CHST9: variants seen among roughly 807,000 people sequenced by gnomAD.
The protein encoded by CHST9 is carbohydrate sulfotransferase 9.
Under a neutral mutation model 44.4 loss-of-function variants are expected in CHST9, and 41 were observed. The observed-to-expected ratio is 0.92, with a 90% CI of 0.72 to 1.20. The LOEUF (loss-of-function observed/expected upper bound fraction) is 1.20, where lower values mean the gene tolerates loss of function less well. Ranked by LOEUF, CHST9 falls within the 50% of genes most tolerant of loss-of-function variation. The pLI is 0.00. For synonymous variants in CHST9, 171 were observed against 178.4 expected (o/e 0.96, Z 0.33); for missense variants, 504 against 516.5 (o/e 0.98, Z 0.23).
intron 2 of CHST9, among the ~76,000 whole-genome samples, chr18:27,074,829 T>TA (rs1401534532): frequency 6.8e-6 from 1 of 147,990 alleles, no homozygotes; most frequent in Non-Finnish European, 1.5e-5. Flanking sequence ...AATTATAAAA[T>TA]ATACATTATA....
At chr18:26,949,975 C>T (rs1414999786) in intron 4 of CHST9, among the ~76,000 whole-genome samples, 1 of 152,194 alleles carries the variant, frequency 6.6e-6, no homozygotes. Context: ...CAAAGGAACG[C>T]AGCCTTGCTG....
intron 1 of CHST9, among the ~76,000 whole-genome samples, chr18:27,156,581 GAGACAA>G (rs2058700091): frequency 6.6e-6 from 1 of 152,006 alleles, no homozygotes; most frequent in Non-Finnish European, 1.5e-5. Context: ...GAATGAGAAA[GAGACAA>G]AGATTTTAAA....
At chr18:26,940,492 A>G (rs2056066992) in intron 5 of CHST9, among the ~76,000 whole-genome samples, 1 of 152,208 alleles carries the variant, frequency 6.6e-6, no homozygotes, top group South Asian at 2.1e-4. Context: ...TCTCAGCAAG[A>G]TGATATTTTA....
At chr18:27,096,825 G>A (rs2058121556) in intron 2 of CHST9, among the ~76,000 whole-genome samples, 1 of 151,912 alleles carries the variant, frequency 6.6e-6, no homozygotes, top group African/African-American at 2.4e-5. Flanking sequence ...AAGCCAGATG[G>A]ATTCTCAGCC....
intron 4 of CHST9, among the ~76,000 whole-genome samples, chr18:27,019,779 G>T (rs902691965): frequency 1.3e-5 from 2 of 151,618 alleles, no homozygotes; most frequent in African/African-American, 4.8e-5. Flanking sequence ...CCACTGAATG[G>T]ATGTGAGTCT....
rs558572637 is a variant in CHST9, at chr18:27,127,296, G to A, written c.121+15393C>T. ...AAAAGGAAATAAAGTAGTCTGAAGA[G>A]CAAACTGAGAGTGCAGCCAGACAGC... On this transcript the variant is annotated intron_variant, in intron 2 of 5. Transcript: ENST00000618847. Among the ~76,000 whole-genome samples, 4 of 152,308 alleles carry A rather than the reference G, an allele frequency of 2.6e-5. No homozygotes were observed. In the East Asian group the frequency reaches 5.8e-4, roughly 22 times the overall value.
intron 1 of CHST9, among the ~76,000 whole-genome samples, chr18:27,175,185 AT>A (rs1236384123): frequency 1.3e-5 from 2 of 151,818 alleles, no homozygotes; most frequent in Non-Finnish European, 2.9e-5. Flanking sequence ...AATTTCACCT[AT>A]TTTTTTCTTA....
chr18:27,089,041 C>T (rs2058040819), intron 2 of CHST9, among the ~76,000 whole-genome samples: 1 of 152,204 alleles, frequency 6.6e-6, no homozygotes, highest in Admixed American at 6.5e-5. Context: ...GGTTAGTTTT[C>T]CATAGTTTCC....
At chr18:27,171,238 A>G (rs1230835096) in intron 1 of CHST9, among the ~76,000 whole-genome samples, 1 of 152,160 alleles carries the variant, frequency 6.6e-6, no homozygotes, top group Non-Finnish European at 1.5e-5. Flanking sequence ...AGAATGGAAA[A>G]CAATCAAAAA....
chr18:26,924,542 T>G (rs1330007620), intron 5 of CHST9: 2 of 815,516 alleles, frequency 2.5e-6, no homozygotes, highest in East Asian at 2.5e-4. Flanking sequence ...ATATTACTCT[T>G]AATAATGTAT....
intron 5 of CHST9, among the ~76,000 whole-genome samples, chr18:26,932,006 A>G (rs541706595): frequency 2.6e-5 from 4 of 152,224 alleles, no homozygotes; most frequent in African/African-American, 9.6e-5. Flanking sequence ...TTTCCTTGCT[A>G]TCAGATCCAA....
chr18:27,047,387 A>AC (rs2057513870), intron 3 of CHST9, among the ~76,000 whole-genome samples: 3 of 65,334 alleles, frequency 4.6e-5, no homozygotes, highest in African/African-American at 7.5e-5. Context: ...TGCCTTCATA[A>AC]TTGTGTGTGT....
chr18:26,945,059 T>C (rs2056142100), intron 4 of CHST9, among the ~76,000 whole-genome samples: 1 of 151,942 alleles, frequency 6.6e-6, no homozygotes, highest in African/African-American at 2.4e-5. Flanking sequence ...TAGAGGAAAA[T>C]AAAATCCTTA....
At chr18:27,161,174 G>C (rs1217736728) in intron 1 of CHST9, among the ~76,000 whole-genome samples, 1 of 151,938 alleles carries the variant, frequency 6.6e-6, no homozygotes. Flanking sequence ...GTTTGCTCTT[G>C]CTTCTCTAGT....
chr18:27,092,590 T>C (rs918784405), intron 2 of CHST9, among the ~76,000 whole-genome samples: 2 of 152,214 alleles, frequency 1.3e-5, no homozygotes, highest in Non-Finnish European at 2.9e-5. Context: ...TTTAGTGCTA[T>C]AAATTTCCCT....
chr18:27,023,318 T>C (rs1482709894), intron 4 of CHST9, among the ~76,000 whole-genome samples: 2 of 152,214 alleles, frequency 1.3e-5, no homozygotes, highest in African/African-American at 4.8e-5. Context: ...CATCTTCTAT[T>C]ACTAAATGCT....
In CHST9 at chr18:26,964,693, C is replaced by T. The variant is rs140845651; in HGVS notation, c.203-20327G>A. Among the ~76,000 whole-genome samples the T allele has an allele frequency of 1.2e-4, 19 of 152,366 alleles. No homozygotes were observed. In the East Asian group the frequency reaches 2.9e-3, roughly 23 times the overall value. On this transcript the variant is annotated intron_variant, in intron 4 of 5. Transcript: ENST00000618847. ...AGAGCAGTCTTGTCCACTGTGTGTG[C>T]TACACAAATACCACCTTCTTCCATG... is the stretch of plus-strand genomic sequence containing the variant.
chr18:27,175,545 G>A (rs1372545258), intron 1 of CHST9, among the ~76,000 whole-genome samples: 2 of 152,034 alleles, frequency 1.3e-5, no homozygotes, highest in Non-Finnish European at 2.9e-5. Context: ...GAAATAGAAC[G>A]AGGAGTATGA....
intron 2 of CHST9, among the ~76,000 whole-genome samples, chr18:27,078,935 T>G (rs1027685583): frequency 6.6e-6 from 1 of 152,184 alleles, no homozygotes; most frequent in Non-Finnish European, 1.5e-5. Context: ...AGGTTTACTG[T>G]ATTTGTAAAT....
Sources: gnomAD v4.1 joint callset for allele counts (sites outside exome capture counted in the v4.1 genomes callset) on GRCh38, gnomAD v4.1.1 for gene constraint, MANE v1.5 for transcripts, NCBI Gene and HGNC (gene_info 2026-07-23, HGNC 2026-07-21) for gene names.